Variants in SLC8A1 observed in about 807,000 individuals in gnomAD.
The protein encoded by SLC8A1 is sodium/calcium exchanger 1.
SLC8A1 carries 18 observed loss-of-function variants against 68.3 expected under a neutral mutation model. That is an observed-to-expected ratio of 0.26 (90% CI 0.18 to 0.39). The LOEUF is 0.39. Ranked by LOEUF, SLC8A1 falls within the 10% of genes least tolerant of loss-of-function variation. The pLI is 1.00. For synonymous variants in SLC8A1, 475 were observed against 415.5 expected, an observed-to-expected ratio of 1.14 and a Z score of -1.74; for missense variants, 985 against 1,156.7, an observed-to-expected ratio of 0.85 and a Z score of 2.15.
At chr2:40,458,306 T>C (rs1254472065) in intron 1 of SLC8A1, among the ~76,000 whole-genome samples, 2 of 152,268 alleles carry the variant, frequency 1.3e-5, no homozygotes, top group East Asian at 3.9e-4. Context: ...GTAATTCACC[T>C]GACATAAGCA....
chr2:40,403,373 T>A (rs183530424), intron 2 of SLC8A1, among the ~76,000 whole-genome samples: 155 of 152,286 alleles, frequency 1.0e-3, no homozygotes, highest in African/African-American at 3.5e-3. Context: ...CAGGGAGCTT[T>A]CTCAATGGCT....
At chr2:40,323,559 A>G (rs72943133) in intron 2 of SLC8A1, among the ~76,000 whole-genome samples, 4,313 of 152,172 alleles carry the variant, frequency 0.028, 204 homozygotes, top group African/African-American at 0.098. Flanking sequence ...CATTCCGTAA[A>G]TATTTGTCTG....
At chr2:40,179,719 GA>G (rs2148573979) in intron 2 of SLC8A1, among the ~76,000 whole-genome samples, 1 of 152,196 alleles carries the variant, frequency 6.6e-6, no homozygotes, top group Admixed American at 6.5e-5. Context: ...ATTGGCTTAT[GA>G]TCTTGTTTTT....
At chr2:40,164,718 C>G (rs2046258361) in intron 5 of SLC8A1, 136 bp downstream of exon 8, 1 of 1,198,276 alleles carries the variant, frequency 8.3e-7, no homozygotes. Flanking sequence ...GCCCCAAAGG[C>G]TCTCAATTCA....
At chr2:40,130,595 G>C (rs192567260) in intron 7 of SLC8A1, among the ~76,000 whole-genome samples, 1 of 152,354 alleles carries the variant, frequency 6.6e-6, no homozygotes, top group African/African-American at 2.4e-5. Flanking sequence ...TTTTTTGGTA[G>C]TAAAGAAACG....
intron 2 of SLC8A1, among the ~76,000 whole-genome samples, chr2:40,307,345 A>G (rs2072844967): frequency 6.6e-6 from 1 of 152,172 alleles, no homozygotes; most frequent in South Asian, 2.1e-4. Flanking sequence ...AAGTAGTAAA[A>G]TTAATAGAAA....
intron 2 of SLC8A1, among the ~76,000 whole-genome samples, chr2:40,319,625 G>A (rs564647325): frequency 1.3e-5 from 2 of 152,162 alleles, no homozygotes; most frequent in Admixed American, 1.3e-4. Context: ...TTATATATGA[G>A]CAGTTCCGCC....
intron 6 of SLC8A1, among the ~76,000 whole-genome samples, chr2:40,140,352 C>G (rs2148290994): frequency 6.6e-6 from 1 of 152,276 alleles, no homozygotes; most frequent in East Asian, 1.9e-4. Flanking sequence ...ATCGCTCCAC[C>G]CTTATCCTTC....
intron 2 of SLC8A1, among the ~76,000 whole-genome samples, chr2:40,376,613 A>T (rs185872837): frequency 1.4e-5 from 2 of 145,984 alleles, no homozygotes; most frequent in African/African-American, 4.9e-5. Flanking sequence ...AAAGGAAAGG[A>T]AAGTTCACGC....
chr2:40,252,160 C>T (rs1023830089), intron 2 of SLC8A1, among the ~76,000 whole-genome samples: 7 of 152,126 alleles, frequency 4.6e-5, no homozygotes, highest in Admixed American at 3.3e-4. Flanking sequence ...TGAATTTATT[C>T]ATATAGAGAG....
At chr2:40,229,182 G>T (rs2059343002) in intron 2 of SLC8A1, among the ~76,000 whole-genome samples, 2 of 152,034 alleles carry the variant, frequency 1.3e-5, no homozygotes, top group African/African-American at 4.8e-5. Flanking sequence ...AAACTGAATT[G>T]GTTCCTTAAC....
At chr2:40,191,510 A>G (rs1214623676) in intron 2 of SLC8A1, among the ~76,000 whole-genome samples, 1 of 152,222 alleles carries the variant, frequency 6.6e-6, no homozygotes, top group Non-Finnish European at 1.5e-5. Context: ...TTGGGTTTAA[A>G]CTAAAAATGT....
chr2:40,196,881 G>A (rs971079101), intron 2 of SLC8A1, among the ~76,000 whole-genome samples: 4 of 151,978 alleles, frequency 2.6e-5, no homozygotes, highest in South Asian at 4.1e-4. Context: ...TTTTAAGAGA[G>A]AAATTTTCTA....
intron 2 of SLC8A1, among the ~76,000 whole-genome samples, chr2:40,416,252 G>T (rs544885571): frequency 3.9e-5 from 6 of 151,988 alleles, no homozygotes; most frequent in Non-Finnish European, 8.8e-5. Context: ...GTGACAGGAA[G>T]GTCAACTTAT....
chr2:40,511,796 C>T (rs1293475691), intron 1 of SLC8A1, among the ~76,000 whole-genome samples: 1 of 152,032 alleles, frequency 6.6e-6, no homozygotes, highest in Non-Finnish European at 1.5e-5. Context: ...TGAAAACAAC[C>T]CAAGAATCTT....
At chr2:40,383,051 A>G (rs1682412113) in intron 2 of SLC8A1, among the ~76,000 whole-genome samples, 1 of 152,112 alleles carries the variant, frequency 6.6e-6, no homozygotes, top group African/African-American at 2.4e-5. Flanking sequence ...TTAGGTACCC[A>G]ATGATAAAAC....
At chr2:40,250,663 A>C (rs903301155) in intron 2 of SLC8A1, among the ~76,000 whole-genome samples, 1 of 152,160 alleles carries the variant, frequency 6.6e-6, no homozygotes, top group African/African-American at 2.4e-5. Context: ...GCTACTAAAG[A>C]AACTTTCGCC....
chr2:40,296,095 G>C (rs1252581670), intron 2 of SLC8A1, among the ~76,000 whole-genome samples: 4 of 152,094 alleles, frequency 2.6e-5, no homozygotes, highest in Non-Finnish European at 5.9e-5. Context: ...ACTCAGTTTT[G>C]CAAGGAAATA....
At chr2:40,445,229 T>G (rs1701227595) in intron 1 of SLC8A1, among the ~76,000 whole-genome samples, 1 of 152,232 alleles carries the variant, frequency 6.6e-6, no homozygotes, top group African/African-American at 2.4e-5. Flanking sequence ...TGCCATCTTT[T>G]GAATTCAAAC....
Sources: gnomAD v4.1 joint callset for allele counts (sites outside exome capture counted in the v4.1 genomes callset) on GRCh38, gnomAD v4.1.1 for gene constraint, MANE v1.5 for transcripts, NCBI Gene and HGNC (gene_info 2026-07-23, HGNC 2026-07-21) for gene names.